Variants in WIF1 observed in about 807,000 individuals in gnomAD.
WIF1 encodes Wnt inhibitory factor 1.
In WIF1, 35 loss-of-function variants were observed where a neutral mutation model predicts 53.5. That is an observed-to-expected ratio of 0.65 (90% CI 0.50 to 0.87). The LOEUF (loss-of-function observed/expected upper bound fraction) is 0.87. Ranked by LOEUF, WIF1 falls within the 40% of genes least tolerant of loss-of-function variation. The pLI is 0.00. For synonymous variants in WIF1, 171 were observed against 170.4 expected (o/e 1.00, Z -0.03); for missense variants, 467 against 476.8 (o/e 0.98, Z 0.19).
At chr12:65,068,730 A>G (rs1223313515) in intron 4 of WIF1, 34 bp downstream of exon 4, 2 of 1,609,328 alleles carry the variant, frequency 1.2e-6, no homozygotes, top group South Asian at 1.1e-5. Flanking sequence ...AGCCCTTACA[A>G]CATGTCTTCT....
chr12:65,084,147 A>G (rs1030522567), intron 2 of WIF1, among the ~76,000 whole-genome samples: 3 of 152,100 alleles, frequency 2.0e-5, no homozygotes, highest in Non-Finnish European at 2.9e-5. Context: ...CTTCTTTTAT[A>G]TCTTATGATT....
chr12:65,094,143 C>T (rs1251310805), intron 2 of WIF1, among the ~76,000 whole-genome samples: 1 of 152,132 alleles, frequency 6.6e-6, no homozygotes. Flanking sequence ...CAGCCTTGAA[C>T]TATTCAAACC....
At chr12:65,086,136 C>T (rs1002377339) in intron 2 of WIF1, among the ~76,000 whole-genome samples, 2 of 141,066 alleles carry the variant, frequency 1.4e-5, no homozygotes, top group Non-Finnish European at 3.2e-5. Context: ...CTTTGTTCAG[C>T]TCATCTAAAA....
intron 2 of WIF1, among the ~76,000 whole-genome samples, chr12:65,096,958 A>C (rs1449894747): frequency 6.6e-6 from 1 of 151,176 alleles, no homozygotes; most frequent in Admixed American, 6.6e-5. Flanking sequence ...GCAGCAAACC[A>C]CCATGGCACA....
intron 6 of WIF1, among the ~76,000 whole-genome samples, chr12:65,064,502 A>G (rs547367563): frequency 3.3e-5 from 5 of 152,256 alleles, no homozygotes; most frequent in Non-Finnish European, 5.9e-5. Flanking sequence ...GCTGATGTCT[A>G]TTTCCATAGT....
At chr12:65,051,493 A>G in intron 9 of WIF1, 23 bp from the exon 10 acceptor site, 1 of 1,557,528 alleles carries the variant, frequency 6.4e-7, no homozygotes. Flanking sequence ...TCACAGCTTA[A>G]AAGGAAAGAA....
At chr12:65,077,158 G>A (rs1372337003) in intron 3 of WIF1, among the ~76,000 whole-genome samples, 2 of 152,066 alleles carry the variant, frequency 1.3e-5, no homozygotes, top group South Asian at 2.1e-4. Flanking sequence ...GATTTGACTC[G>A]CTACTAGTAT....
At chr12:65,076,403 A>G (rs1207580031) in intron 3 of WIF1, among the ~76,000 whole-genome samples, 1 of 152,190 alleles carries the variant, frequency 6.6e-6, no homozygotes, top group Non-Finnish European at 1.5e-5. Flanking sequence ...ATGGGATTAC[A>G]GTAAGCCAAG....
chr12:65,055,215 TA>T lies in WIF1; in HGVS notation c.923-3del. ...CACCACAGCCAGGCTCGCAGACAGC[TA>T]GAATCAAAAGAAATAAAAAGAGTAT... is the stretch of plus-strand genomic sequence containing the variant. On this transcript the variant is annotated splice_polypyrimidine_tract_variant and splice_region_variant and intron_variant, in intron 8 of 9. Coordinates refer to ENST00000286574, the MANE Select transcript of WIF1 (RefSeq NM_007191.5). 2 of 1,611,868 alleles carry T rather than the reference TA, an allele frequency of 1.2e-6. No individual in the cohort carries two copies. Among genetic ancestry groups the T allele is most frequent in the Non-Finnish European group, 1.7e-6 (2 of 1,179,430 alleles).
rs1882435007 is a variant in WIF1 at position 65,051,214 on chromosome 12, G to C, written c.*135C>G. The C allele has an allele frequency of 1.7e-6, 2 of 1,145,584 alleles. No individual in the cohort carries two copies. Among genetic ancestry groups the C allele is most frequent in the Non-Finnish European group, 2.4e-6 (2 of 839,868 alleles). 71.0% of individuals were successfully genotyped at this position (1,145,584 alleles called of 1,614,324 possible). ...AAAAGGAAGAGTAAATATCAGCTCA[G>C]TGATTTATAATGAAGCTAATAAAAT... On this transcript the variant is annotated 3_prime_UTR_variant, in exon 10 of 10. Coordinates refer to ENST00000286574, the MANE Select transcript of WIF1 (RefSeq NM_007191.5).
At chr12:65,067,674 G>C in intron 5 of WIF1, 21 bp downstream of exon 5, 1 of 1,605,626 alleles carries the variant, frequency 6.2e-7, no homozygotes, top group Non-Finnish European at 8.5e-7. Context: ...GGGAGCAAGG[G>C]AAATCGGCTC....
intron 2 of WIF1, among the ~76,000 whole-genome samples, chr12:65,084,272 G>A (rs1016583991): frequency 1.3e-5 from 2 of 151,880 alleles, no homozygotes; most frequent in African/African-American, 2.4e-5. Flanking sequence ...TTTAAAAGTG[G>A]CCAATACATC....
intron 2 of WIF1, among the ~76,000 whole-genome samples, chr12:65,097,019 T>C (rs1290632927): frequency 7.3e-6 from 1 of 137,694 alleles, no homozygotes; most frequent in African/African-American, 2.8e-5. Context: ...TCCTGGAACT[T>C]AAAAAAAAAA....
intron 2 of WIF1, among the ~76,000 whole-genome samples, chr12:65,096,528 A>G (rs1229455687): frequency 6.6e-6 from 1 of 152,206 alleles, no homozygotes; most frequent in Non-Finnish European, 1.5e-5. Flanking sequence ...ATATACCCAA[A>G]GTATAATAAA....
intron 2 of WIF1, among the ~76,000 whole-genome samples, chr12:65,112,496 AT>A (rs1294123173): frequency 6.7e-6 from 1 of 150,198 alleles, no homozygotes; most frequent in Non-Finnish European, 1.5e-5. Context: ...TTGAAAGTTT[AT>A]TAAGAAAGAA....
At chr12:65,103,176 A>T (rs1883306535) in intron 2 of WIF1, among the ~76,000 whole-genome samples, 1 of 152,180 alleles carries the variant, frequency 6.6e-6, no homozygotes, top group Non-Finnish European at 1.5e-5. Context: ...ATCAGGTTTG[A>T]ATTATTTTAC....
intron 7 of WIF1, among the ~76,000 whole-genome samples, chr12:65,056,699 G>C (rs931934013): frequency 1.3e-5 from 2 of 151,984 alleles, no homozygotes; most frequent in Non-Finnish European, 2.9e-5. Context: ...GCCCAGGCTG[G>C]AGTGCAGTGG....
At chr12:65,085,879 C>A (rs778136395) in intron 2 of WIF1, among the ~76,000 whole-genome samples, 3 of 152,170 alleles carry the variant, frequency 2.0e-5, no homozygotes, top group Non-Finnish European at 4.4e-5. Flanking sequence ...ATTTCTAAGA[C>A]ATTTTCCATT....
At chr12:65,098,264 T>C (rs941106454) in intron 2 of WIF1, among the ~76,000 whole-genome samples, 10 of 152,182 alleles carry the variant, frequency 6.6e-5, no homozygotes, top group African/African-American at 2.4e-4. Context: ...TCTGTATCTG[T>C]AGTTCCTTTT....
Sources: allele counts gnomAD v4.1 joint callset (sites outside exome capture counted in the v4.1 genomes callset), GRCh38; gene constraint gnomAD v4.1.1; transcripts MANE v1.5; gene names NCBI Gene and HGNC (gene_info 2026-07-23, HGNC 2026-07-21).